The following ALKBH1 variants were observed in gnomAD, a reference collection of about 807,000 sequenced individuals.
ALKBH1 encodes the protein nucleic acid dioxygenase ALKBH1.
ALKBH1 carries 31 observed loss-of-function variants against 36.6 expected under a neutral mutation model. The observed-to-expected ratio is 0.85, with a 90% CI of 0.64 to 1.14. The LOEUF is 1.14. Ranked by LOEUF, ALKBH1 falls within the 50% of genes most tolerant of loss-of-function variation. The probability of loss-of-function intolerance (pLI) is 0.00; values close to 1 mark genes in which losing one functional copy is unlikely to be tolerated. For synonymous variants in ALKBH1, 183 were observed against 186.6 expected, an observed-to-expected ratio of 0.98 and a Z score of 0.16; for missense variants, 490 against 497.3, an observed-to-expected ratio of 0.99 and a Z score of 0.14.
intron 2 of ALKBH1, among the ~76,000 whole-genome samples, chr14:77,695,794 CTG>C (rs1311470099): frequency 6.6e-6 from 1 of 152,142 alleles, no homozygotes; most frequent in Non-Finnish European, 1.5e-5. Context: ...TCATTTTTCT[CTG>C]TAAAAGATTA....
rs144938859 is a variant in ALKBH1 at position 77,683,770 on chromosome 14, C to T, written c.456-3800G>A. On this transcript the variant is annotated intron_variant, in intron 3 of 5. Coordinates refer to ENST00000216489, the MANE Select transcript of ALKBH1 (RefSeq NM_006020.3). ...TATTTTTAGTAGAGACAGGGTTTCC[C>T]CATGTTGCCCAAGCTGGTCTTGAAC... 485 of 201,782 alleles carry T rather than the reference C, an allele frequency of 2.4e-3. 3 individuals carry two copies. The highest frequency in any genetic ancestry group is 3.9e-3 in the Admixed American group (69 of 17,852). The allele number at this position is 201,782 out of a possible 1,614,324, so 12.5% of individuals were successfully genotyped here. A position where few individuals can be genotyped will look rare whatever the true frequency, so the allele number is the denominator to read the frequency against.
Position 77,674,256 on chromosome 14 carries a change from TA to T in ALKBH1, c.741-16del. 6.5e-7 allele frequency: 1 copy of T among 1,537,692 alleles called. No homozygotes were observed. The highest frequency in any genetic ancestry group is 8.7e-7 in the Non-Finnish European group (1 of 1,143,812). On this transcript the variant is annotated splice_polypyrimidine_tract_variant and intron_variant, in intron 5 of 5. Coordinates refer to ENST00000216489, the MANE Select transcript of ALKBH1 (RefSeq NM_006020.3). Reference sequence around the variant, plus strand: ...ACTGTCCAAAGCTACAAAAAATAAGTAAAAACACACAACAATAAAAAAGTAT... The same window carrying T: ...ACTGTCCAAAGCTACAAAAAATAAGTAAAACACACAACAATAAAAAAGTAT...
chr14:77,675,759 G>C lies in ALKBH1; in HGVS notation c.637C>G (p.Arg213Gly), dbSNP rs765650878. The change falls in exon 5 of 6, where the codon CGA (arginine) becomes GGA (glycine). Residue 213 changes from arginine to glycine, a missense_variant. Coordinates refer to ENST00000216489, the MANE Select transcript of ALKBH1 (RefSeq NM_006020.3). The stretch of plus-strand genomic sequence containing the variant: ...TAATTCAGGATCCCTGCTTCAGCTC[G>C]GAAATCCTCAAATCCACAGGCAGCG... ...VAAACGFEDF[R>G]AEAGILNYYR... 6.2e-6 allele frequency: 10 copies of C among 1,613,978 alleles called. No individual in the cohort carries two copies. The highest frequency in any genetic ancestry group is 8.5e-6 in the Non-Finnish European group (10 of 1,180,022).
At chr14:77,691,742 GGAT>G (rs2080298214) in intron 3 of ALKBH1, 2 of 152,152 alleles carry the variant, frequency 1.3e-5, no homozygotes, top group African/African-American at 2.4e-5. Context: ...ATTGTTTACA[GGAT>G]GATTTATTAC....
At chr14:77,679,837 A>G (rs905517686) in intron 4 of ALKBH1, 43 bp downstream of exon 4, 1 of 1,430,440 alleles carries the variant, frequency 7.0e-7, no homozygotes, top group Non-Finnish European at 9.8e-7. Flanking sequence ...GGGCTAAAGA[A>G]GCCTATAAAC....
In ALKBH1 at chr14:77,679,790, A is replaced by G. The variant is rs145402418; in HGVS notation, c.546+90T>C. 8.9e-4 allele frequency: 861 copies of G among 965,472 alleles called. 7 individuals are homozygous for G. The African/African-American group carries it at 0.012, about 14-fold the overall frequency. 59.8% of individuals were successfully genotyped at this position (965,472 alleles called of 1,614,324 possible). On this transcript the variant is annotated intron_variant, in intron 4 of 5. Coordinates refer to ENST00000216489, the MANE Select transcript of ALKBH1 (RefSeq NM_006020.3). Reference sequence around the variant, plus strand: ...ATCCTCCCACAAATGTATAATCTTGATATCTTAAGCGTGGTTAGGAAGAAA... The same window carrying G: ...ATCCTCCCACAAATGTATAATCTTGGTATCTTAAGCGTGGTTAGGAAGAAA...
intron 5 of ALKBH1, among the ~76,000 whole-genome samples, 153 bp downstream of exon 5, chr14:77,675,503 T>C (rs1016961981): frequency 6.6e-6 from 1 of 152,060 alleles, no homozygotes; most frequent in South Asian, 2.1e-4. Flanking sequence ...ACAGAGATAC[T>C]AACTATAATT....
intron 3 of ALKBH1, among the ~76,000 whole-genome samples, chr14:77,685,356 T>A (rs2139850032): frequency 6.6e-6 from 1 of 151,354 alleles, no homozygotes; most frequent in South Asian, 2.1e-4. Flanking sequence ...GGTACAAGAA[T>A]CGCTTGAACC....
intron 3 of ALKBH1, among the ~76,000 whole-genome samples, chr14:77,686,058 C>G (rs1028991391): frequency 1.8e-4 from 27 of 152,282 alleles, no homozygotes; most frequent in African/African-American, 6.5e-4. Context: ...AAAGTAGCAA[C>G]AACTCTTAAT....
rs1185371125 is a variant in ALKBH1, at chr14:77,673,289, T to C, written c.*523A>G. Reference sequence around the variant, plus strand: ...AGATTTTCCAGTTCCATTGTTTTCATGTGTAAAGGATTCTTCCATGAGAGC... The same window carrying C: ...AGATTTTCCAGTTCCATTGTTTTCACGTGTAAAGGATTCTTCCATGAGAGC... On this transcript the variant is annotated 3_prime_UTR_variant, in exon 6 of 6. Transcript: ENST00000216489. The C allele has an allele frequency of 6.5e-6, 1 of 153,618 alleles. No homozygotes were observed. The highest frequency in any genetic ancestry group is 1.4e-5 in the Non-Finnish European group (1 of 68,992). The allele number at this position is 153,618 out of a possible 1,614,324, so 9.5% of individuals were successfully genotyped here.
rs2080188396 is a variant in ALKBH1 at position 77,673,680 on chromosome 14, T to G, written c.*132A>C. The G allele has an allele frequency of 1.1e-6, 1 of 943,026 alleles. No homozygotes were observed. The highest frequency in any genetic ancestry group is 1.6e-5 in the African/African-American group (1 of 60,754). The allele number at this position is 943,026 out of a possible 1,614,324, so 58.4% of individuals were successfully genotyped here. ...TTCTGCGTGGGTTCCAAGGCAACAG[T>G]GTGATCAACAATGAGTTCTTCCCTG... is the stretch of plus-strand genomic sequence containing the variant. On this transcript the variant is annotated 3_prime_UTR_variant, in exon 6 of 6. Coordinates refer to ENST00000216489, the MANE Select transcript of ALKBH1 (RefSeq NM_006020.3).
chr14:77,692,558 G>A (rs2080303179), intron 3 of ALKBH1, among the ~76,000 whole-genome samples: 1 of 152,174 alleles, frequency 6.6e-6, no homozygotes, highest in Non-Finnish European at 1.5e-5. Context: ...AGGGGGCGAA[G>A]CTCAGGTGGT....
chr14:77,699,017 C>T lies in ALKBH1; in HGVS notation c.293-4117G>A, dbSNP rs374143923. Among the ~76,000 whole-genome samples the T allele has an allele frequency of 1.0e-3, 152 of 152,366 alleles. 2 individuals are homozygous for T. In the South Asian group the frequency reaches 0.024, roughly 24 times the overall value. ...TGAACTCCTGGCCTCAACTGATCTG[C>T]CCGCCTCGGCCTCCCAAAGTGCTGG... On this transcript the variant is annotated intron_variant, in intron 2 of 5. Coordinates refer to ENST00000216489, the MANE Select transcript of ALKBH1 (RefSeq NM_006020.3).
intron 3 of ALKBH1, among the ~76,000 whole-genome samples, chr14:77,684,412 A>T (rs767394678): frequency 4.0e-5 from 6 of 151,578 alleles, no homozygotes; most frequent in Non-Finnish European, 8.8e-5. Flanking sequence ...CCCAAGCTGG[A>T]GTGCAATGGT....
At chr14:77,684,737 G>C (rs1391482650) in intron 3 of ALKBH1, among the ~76,000 whole-genome samples, 1 of 152,008 alleles carries the variant, frequency 6.6e-6, no homozygotes, top group South Asian at 2.1e-4. Context: ...TTGTAGAGAC[G>C]GGGTCTCTCT....
chr14:77,676,520 T>A (rs2080206969), intron 4 of ALKBH1, among the ~76,000 whole-genome samples: 1 of 152,074 alleles, frequency 6.6e-6, no homozygotes, highest in Admixed American at 6.6e-5. Flanking sequence ...GGACTAAATA[T>A]AATGTAGTAT....
At position 77,707,804 on chromosome 14, in the gene ALKBH1, C is replaced by G. The variant is rs1444625846; in HGVS notation, c.183+18G>C. 6.4e-7 allele frequency: 1 copy of G among 1,571,872 alleles called. No homozygotes were observed. The highest frequency in any genetic ancestry group is 1.1e-5 in the South Asian group (1 of 88,148). On this transcript the variant is annotated intron_variant, in intron 1 of 5. Transcript: ENST00000216489. Reference sequence around the variant, plus strand: ...GGGCAAAGCGATGGAGAGACGCGCGCCACTCCTCTCTCTGTACCTTTTGGG... The same window carrying G: ...GGGCAAAGCGATGGAGAGACGCGCGGCACTCCTCTCTCTGTACCTTTTGGG...
intron 4 of ALKBH1, among the ~76,000 whole-genome samples, chr14:77,679,102 C>A (rs1190178982): frequency 1.3e-5 from 2 of 152,132 alleles, no homozygotes; most frequent in South Asian, 2.1e-4. Context: ...CAGGAGTGAG[C>A]CACCGCGTGT....
chr14:77,707,572 T>C (rs956309430), intron 1 of ALKBH1, among the ~76,000 whole-genome samples: 1 of 151,904 alleles, frequency 6.6e-6, no homozygotes, highest in African/African-American at 2.4e-5. Context: ...CAGTAAGAAA[T>C]AAACACGGAT....
Sources: gnomAD v4.1 joint callset for allele counts (sites outside exome capture counted in the v4.1 genomes callset) on GRCh38, gnomAD v4.1.1 for gene constraint, MANE v1.5 for transcripts, NCBI Gene and HGNC (gene_info 2026-07-23, HGNC 2026-07-21) for gene names.